Variants in RBFOX3 observed in about 807,000 individuals in gnomAD.
The protein encoded by RBFOX3 is RNA binding fox-1 homolog 3.
RBFOX3 carries 17 observed loss-of-function variants against 48.7 expected under a neutral mutation model. The observed-to-expected ratio is 0.35, with a 90% confidence interval of 0.24 to 0.52. The LOEUF (loss-of-function observed/expected upper bound fraction) is 0.52, where lower values mean the gene tolerates loss of function less well. Ranked by LOEUF, RBFOX3 falls within the 20% of genes least tolerant of loss-of-function variation. The pLI, the probability that RBFOX3 is intolerant of heterozygous loss-of-function variation, is 0.94. For synonymous variants in RBFOX3, 212 were observed against 209.5 expected (o/e 1.01, Z -0.10); for missense variants, 382 against 497.5 (o/e 0.77, Z 2.21).
the RBFOX3 span, among the ~76,000 whole-genome samples, chr17:79,649,215 A>G: frequency 6.6e-6 from 1 of 152,100 alleles, no homozygotes; most frequent in Non-Finnish European, 1.5e-5. Flanking sequence ...CTTAGCCTCA[A>G]GTGATCCTCC....
chr17:79,487,594 T>G (rs296142), intron 1 of RBFOX3, among the ~76,000 whole-genome samples: 1 of 151,888 alleles, frequency 6.6e-6, no homozygotes, highest in Admixed American at 6.6e-5. Context: ...GTGAAATGAA[T>G]GCTGCAAAGA....
chr17:79,477,939 C>T lies in RBFOX3; in HGVS notation c.-175+4515G>A, dbSNP rs1239669969. 6.6e-6 allele frequency among the ~76,000 whole-genome samples: 1 copy of T among 152,172 alleles called. No homozygotes were observed. The highest frequency in any genetic ancestry group is 1.5e-5 in the Non-Finnish European group (1 of 68,032). On this transcript the variant is annotated intron_variant, in intron 2 of 14. Transcript: ENST00000693108. This position sits in a 1 kb window ranked among gnomAD's most constrained non-coding sequence, Gnocchi z 4.8. ...GCAACGTCCTTCAGCTGGGCACCGC[C>T]TGTTCCACCCAGGAGCACCTAGGAC... is the stretch of plus-strand genomic sequence containing the variant.
chr17:79,625,172 A>G, the RBFOX3 span, among the ~76,000 whole-genome samples: 1 of 151,496 alleles, frequency 6.6e-6, no homozygotes, highest in African/African-American at 2.4e-5. Flanking sequence ...CTCTCCCTGT[A>G]TTCCCCACCC....
chr17:79,495,831 T>A (rs376241932), intron 1 of RBFOX3, among the ~76,000 whole-genome samples: 175 of 149,850 alleles, frequency 1.2e-3, no homozygotes, highest in African/African-American at 4.3e-3. Context: ...TGGTTGGGGG[T>A]GTAGGCGGTG....
chr17:79,322,830 A>T (rs1337350305), intron 2 of RBFOX3, among the ~76,000 whole-genome samples: 1 of 152,120 alleles, frequency 6.6e-6, no homozygotes, highest in Non-Finnish European at 1.5e-5. Flanking sequence ...GCAGCACTGG[A>T]GCTCCCCAAG....
chr17:79,456,029 A>C (rs2074423042), intron 2 of RBFOX3, among the ~76,000 whole-genome samples: 1 of 138,398 alleles, frequency 7.2e-6, no homozygotes, highest in Non-Finnish European at 1.7e-5. Context: ...CATCACACTG[A>C]CCAGGTCCCA....
At chr17:79,366,853 G>T (rs1272228130) in intron 2 of RBFOX3, among the ~76,000 whole-genome samples, 2 of 152,194 alleles carry the variant, frequency 1.3e-5, no homozygotes, top group East Asian at 3.9e-4. Context: ...CACCCCAGCT[G>T]CTGGGACCCT....
intron 1 of RBFOX3, among the ~76,000 whole-genome samples, chr17:79,511,198 G>A (rs968006892): frequency 3.3e-5 from 5 of 152,174 alleles, no homozygotes; most frequent in Non-Finnish European, 7.3e-5. Context: ...GGGAAGAAAC[G>A]GGAAGGGACT....
intron 2 of RBFOX3, among the ~76,000 whole-genome samples, chr17:79,385,086 C>T (rs1165016058): frequency 1.3e-5 from 2 of 152,226 alleles, no homozygotes; most frequent in Admixed American, 6.5e-5. Context: ...CCCTCGGGTC[C>T]CAGGAATGCC....
intron 1 of RBFOX3, among the ~76,000 whole-genome samples, chr17:79,594,006 G>A (rs2093497632): frequency 6.6e-6 from 1 of 152,136 alleles, no homozygotes; most frequent in Non-Finnish European, 1.5e-5. Flanking sequence ...GCTGTTTTTA[G>A]GTTCAAGGGG....
chr17:79,387,815 C>A (rs902480060), intron 2 of RBFOX3, among the ~76,000 whole-genome samples: 2 of 152,262 alleles, frequency 1.3e-5, no homozygotes, highest in South Asian at 2.1e-4. Context: ...CCTTCCCAAC[C>A]CATACCCCAA....
chr17:79,591,023 C>T (rs1321270123), intron 1 of RBFOX3, among the ~76,000 whole-genome samples: 8 of 152,338 alleles, frequency 5.3e-5, no homozygotes, highest in East Asian at 1.9e-4. Context: ...CTCGGAGGGA[C>T]GAGAAGTTCC....
intron 4 of RBFOX3, among the ~76,000 whole-genome samples, chr17:79,192,710 A>C (rs567387756): frequency 6.6e-6 from 1 of 152,264 alleles, no homozygotes; most frequent in Non-Finnish European, 1.5e-5. Context: ...CAGACCCTGG[A>C]GCCGCCGTGG....
At chr17:79,400,177 A>T (rs1352861928) in intron 2 of RBFOX3, among the ~76,000 whole-genome samples, 1 of 151,996 alleles carries the variant, frequency 6.6e-6, no homozygotes, top group African/African-American at 2.4e-5. Context: ...GGGAGCCACA[A>T]ACTGGGTGGC....
chr17:79,524,830 C>A (rs1389770779), intron 1 of RBFOX3, among the ~76,000 whole-genome samples: 1 of 152,150 alleles, frequency 6.6e-6, no homozygotes, highest in African/African-American at 2.4e-5. Flanking sequence ...AATATGCCTC[C>A]GCCCCACAGC....
intron 4 of RBFOX3, among the ~76,000 whole-genome samples, chr17:79,161,975 C>T (rs1238169375): frequency 6.6e-6 from 1 of 152,182 alleles, no homozygotes; most frequent in African/African-American, 2.4e-5. Flanking sequence ...CCCAGCGGGA[C>T]TTTTGGGGGA....
intron 2 of RBFOX3, among the ~76,000 whole-genome samples, chr17:79,369,019 G>A (rs757472219): frequency 6.6e-5 from 10 of 152,186 alleles, no homozygotes; most frequent in African/African-American, 1.7e-4. Flanking sequence ...TCCAGCCCAC[G>A]GCCCACCACA....
intron 2 of RBFOX3, among the ~76,000 whole-genome samples, chr17:79,434,504 A>C (rs782766965): frequency 2.7e-4 from 41 of 152,218 alleles, no homozygotes; most frequent in Non-Finnish European, 1.5e-4. Context: ...GCTGAAGTCC[A>C]TGAAGCGAGT....
Position 79,421,954 on chromosome 17 carries a change from C to A in RBFOX3, c.-175+60500G>T, listed in dbSNP as rs1555722652. Among the ~76,000 whole-genome samples the A allele has an allele frequency of 6.6e-6, 1 of 152,118 alleles. No individual in the cohort carries two copies. Among genetic ancestry groups the A allele is most frequent in the African/African-American group, 2.4e-5 (1 of 41,408 alleles). ...GTTCCACAGGCTCAGCAGCTCCCAACAGAATTCTAGGTGCTGCCCGGACGA... is the reference window on the plus strand; with the variant it reads ...GTTCCACAGGCTCAGCAGCTCCCAAAAGAATTCTAGGTGCTGCCCGGACGA... On this transcript the variant is annotated intron_variant, in intron 2 of 14. Coordinates refer to ENST00000693108, the MANE Select transcript of RBFOX3 (RefSeq NM_001350451.2). The surrounding 1 kb of genome is among the most constrained non-coding windows in gnomAD (Gnocchi z 4.5).
Sources: allele counts gnomAD v4.1 joint callset (sites outside exome capture counted in the v4.1 genomes callset), GRCh38; gene constraint gnomAD v4.1.1; non-coding constraint Gnocchi (gnomAD v3.1); transcripts MANE v1.5; gene names NCBI Gene and HGNC (gene_info 2026-07-23, HGNC 2026-07-21).